The following DCHS1 variants were observed in gnomAD, a reference collection of about 807,000 sequenced individuals.
DCHS1 encodes the protein protocadherin-16.
DCHS1 carries 78 observed loss-of-function variants against 213.9 expected under a neutral mutation model. That is an observed-to-expected ratio of 0.36 (90% CI 0.30 to 0.44). The LOEUF (loss-of-function observed/expected upper bound fraction) is 0.44. DCHS1 is among the 20% of genes least tolerant of loss of function. The pLI is 1.00. For synonymous variants in DCHS1, 1,828 were observed against 1,873.7 expected (o/e 0.98, Z 0.63); for missense variants, 3,946 against 4,395.9 (o/e 0.90, Z 2.89).
intron 2 of DCHS1, among the ~76,000 whole-genome samples, chr11:6,637,535 T>A (rs1856003583): frequency 6.6e-6 from 1 of 151,934 alleles, no homozygotes. Context: ...CACCTTCCCA[T>A]CTCCAGTCTT....
chr11:6,643,829 C>T (rs1856115793), intron 1 of DCHS1, among the ~76,000 whole-genome samples: 1 of 152,206 alleles, frequency 6.6e-6, no homozygotes, highest in African/African-American at 2.4e-5. Context: ...GTCATCACCT[C>T]AAACTGCTTC....
Position 6,630,849 on chromosome 11 carries a change from A to G in DCHS1, c.3945T>C (p.Ala1315=). ...LQLLVQVLPS[A]RLAEPPPDLA... ...GATCTGGGGGCGGCTCGGCCAAGCG[A>G]GCTGAGGGAAGCACCTGTTGTGGAC... Residue 1315 remains alanine (A), a synonymous_variant, in exon 10 of 21, where the codon GCT becomes GCC. Coordinates refer to ENST00000299441, the MANE Select transcript of DCHS1 (RefSeq NM_003737.4). 1 of 1,524,024 alleles carries G rather than the reference A, an allele frequency of 6.6e-7. No individual in the cohort carries two copies. The highest frequency in any genetic ancestry group is 8.8e-7 in the Non-Finnish European group (1 of 1,131,754). 94.4% of individuals were successfully genotyped at this position (1,524,024 alleles called of 1,614,324 possible). A position where few individuals can be genotyped will look rare whatever the true frequency, so the allele number is the denominator to read the frequency against.
Position 6,641,694 on chromosome 11 carries a change from G to A in DCHS1, c.-81C>T. ...CAGCTTGACCTCAGACTTTGGGTCA[G>A]GTCCCACTGGGGCCCTGGCTCCAGC... is the stretch of plus-strand genomic sequence containing the variant. On this transcript the variant is annotated 5_prime_UTR_variant, in exon 2 of 21. Coordinates refer to ENST00000299441, the MANE Select transcript of DCHS1 (RefSeq NM_003737.4). This position sits in a 1 kb window ranked among gnomAD's most constrained non-coding sequence, Gnocchi z 7.1. 6.9e-7 allele frequency: 1 copy of A among 1,457,268 alleles called. No individual in the cohort carries two copies. The highest frequency in any genetic ancestry group is 9.1e-7 in the Non-Finnish European group (1 of 1,103,910). The allele number at this position is 1,457,268 out of a possible 1,614,324, so 90.3% of individuals were successfully genotyped here.
rs1856308794 is a variant in DCHS1 at position 6,655,806 on chromosome 11, C to T, written c.-364G>A. ...GCCGCCCCGCCGAGGATGCGAGCTC[C>T]GCTGCCGCGGCCCCGCGCCCCCTCC... On this transcript the variant is annotated 5_prime_UTR_variant, in exon 1 of 21. Coordinates refer to ENST00000299441, the MANE Select transcript of DCHS1 (RefSeq NM_003737.4). 1 of 952,368 alleles carries T rather than the reference C, an allele frequency of 1.1e-6. No homozygotes were observed. The highest frequency in any genetic ancestry group is 1.2e-6 in the Non-Finnish European group (1 of 806,388). 59.0% of individuals were successfully genotyped at this position (952,368 alleles called of 1,614,324 possible).
rs749818300 is a variant in DCHS1 at position 6,631,176 on chromosome 11, G to C, written c.3807C>G (p.His1269Gln). The part of the protein sequence containing the change: ...PGSELFSLHP[H>Q]SGELLTAAPL... ...GAGCTGCAGTGAGCAGCTCCCCTGAGTGAGGGTGCAGAGAGAAAAGCTCTG... is the reference window on the plus strand; with the variant it reads ...GAGCTGCAGTGAGCAGCTCCCCTGACTGAGGGTGCAGAGAGAAAAGCTCTG... Residue 1269 changes from histidine (H) to glutamine (Q), a missense_variant, in exon 9 of 21, where the codon CAC becomes CAG. By Grantham distance (24) the His-to-Gln change is conservative (BLOSUM62 0). Transcript: ENST00000299441. The C allele has an allele frequency of 6.2e-7, 1 of 1,611,288 alleles. No homozygotes were observed. Among genetic ancestry groups the C allele is most frequent in the Admixed American group, 1.7e-5 (1 of 59,710 alleles).
Position 6,622,098 on chromosome 11 carries a change from C to G in DCHS1, c.9578G>C (p.Cys3193Ser). The G allele has an allele frequency of 6.2e-7, 1 of 1,613,196 alleles. No individual in the cohort carries two copies. ...IARLKDEARP[C>S]PPAPRIDPPP... ...TGGGTCGATACGGGGAGCTGGGGGA[C>G]ATGGCCGAGCTTCATCCTTGAGCCG... The change falls in exon 21 of 21, where the codon TGT becomes TCT. Residue 3193 changes from cysteine (C) to serine (S), a missense_variant. By Grantham distance (112) the Cys-to-Ser change is moderately radical. Coordinates refer to ENST00000299441, the MANE Select transcript of DCHS1 (RefSeq NM_003737.4). This position sits in a 1 kb window ranked among gnomAD's most constrained non-coding sequence, Gnocchi z 5.4.
At chr11:6,639,495 C>T (rs1050516304) in intron 2 of DCHS1, among the ~76,000 whole-genome samples, 5 of 152,182 alleles carry the variant, frequency 3.3e-5, no homozygotes, top group Admixed American at 2.6e-4. Flanking sequence ...AAGCCACATA[C>T]GTATGTAGAA....
In DCHS1 at chr11:6,634,106, C is replaced by T. The variant is rs1855954921; in HGVS notation, c.1986+12G>A. 1.3e-6 allele frequency: 2 copies of T among 1,599,556 alleles called. No individual in the cohort carries two copies. Among genetic ancestry groups the T allele is most frequent in the Non-Finnish European group, 1.7e-6 (2 of 1,171,254 alleles). On this transcript the variant is annotated intron_variant, in intron 3 of 20. Coordinates refer to ENST00000299441, the MANE Select transcript of DCHS1 (RefSeq NM_003737.4). Reference sequence around the variant, plus strand: ...CCCAACATCCCAACCTGCCCTTGGTCTACTGACTTACCCCATCCACAGCTG... The same window carrying T: ...CCCAACATCCCAACCTGCCCTTGGTTTACTGACTTACCCCATCCACAGCTG...
In DCHS1 at chr11:6,655,620, C is replaced by A; in HGVS notation, c.-178G>T. The A allele has an allele frequency of 1.0e-6, 1 of 979,828 alleles. No homozygotes were observed. The allele number at this position is 979,828 out of a possible 1,614,324, so 60.7% of individuals were successfully genotyped here. A position where few individuals can be genotyped will look rare whatever the true frequency, so the allele number is the denominator to read the frequency against. ...TGGGGCGCCGTCCGGCCGCGGTCAG[C>A]CCCCCGGGCAGCGCCCGCTCGCGCG... On this transcript the variant is annotated 5_prime_UTR_variant, in exon 1 of 21. Transcript: ENST00000299441.
rs532679903 is a variant in DCHS1 at position 6,633,054 on chromosome 11, G to A, written c.2458C>T (p.Arg820Cys). The change falls in exon 6 of 21, where the codon CGC (arginine) becomes TGC (cysteine). Residue 820 changes from arginine (R) to cysteine (C), a missense_variant and splice_region_variant. By Grantham distance (180) the Arg-to-Cys change is radical (BLOSUM62 -3). Around this residue, in one of 3 missense-constraint regions of DCHS1, gnomAD observed 3,384 missense variants for 3,780.1 expected, o/e 0.90. Transcript: ENST00000299441. ...GIVQAHNPPG[R>C]LAPVTLSLSG... is the part of the protein sequence containing the mutation. ...AGGGAAAGGGTCACAGGTGCCAAGC[G>A]ACCTAGGGAGGATGAAAAAGGGATC... 1.2e-5 allele frequency: 19 copies of A among 1,593,166 alleles called. No homozygotes were observed. The highest frequency in any genetic ancestry group is 2.2e-5 in the South Asian group (2 of 88,938).
At chr11:6,644,776 AACTGAGACAACACAC>A (rs1437563097) in intron 1 of DCHS1, among the ~76,000 whole-genome samples, 1 of 152,224 alleles carries the variant, frequency 6.6e-6, no homozygotes, top group South Asian at 2.1e-4. Flanking sequence ...TGGTCATGCC[AACTGAGACAACACAC>A]ACAAACACAT....
In DCHS1 at chr11:6,640,103, G is replaced by A; in HGVS notation, c.1511C>T (p.Thr504Ile). The A allele has an allele frequency of 6.2e-7, 1 of 1,613,752 alleles. No individual in the cohort carries two copies. The highest frequency in any genetic ancestry group is 8.5e-7 in the Non-Finnish European group (1 of 1,179,774). ...TAGGCTATAAGTGACCTGACCATTG[G>A]TGCCTTGGTCAGGATCCCGAGCAGT... is the stretch of plus-strand genomic sequence containing the variant. Reference protein sequence around the residue: ...RVTARDPDQGTNGQVTYSLAP... With the variant: ...RVTARDPDQGINGQVTYSLAP... Residue 504 changes from threonine (T) to isoleucine (I), a missense_variant, in exon 2 of 21, where the codon ACC becomes ATC. Around this residue, in one of 3 missense-constraint regions of DCHS1, gnomAD observed 3,384 missense variants for 3,780.1 expected, o/e 0.90. Transcript: ENST00000299441. This position sits in a 1 kb window ranked among gnomAD's most constrained non-coding sequence, Gnocchi z 6.5.
chr11:6,648,348 G>T (rs960488360), intron 1 of DCHS1, among the ~76,000 whole-genome samples: 1 of 152,158 alleles, frequency 6.6e-6, no homozygotes, highest in Non-Finnish European at 1.5e-5. Flanking sequence ...GAAGTTAAGG[G>T]AGAAAACATT....
Position 6,626,085 on chromosome 11 carries a change from TAG to T in DCHS1, c.6577-13_6577-12del. 6.2e-7 allele frequency: 1 copy of T among 1,606,180 alleles called. No homozygotes were observed. The highest frequency in any genetic ancestry group is 8.5e-7 in the Non-Finnish European group (1 of 1,176,358). On this transcript the variant is annotated splice_polypyrimidine_tract_variant and intron_variant, in intron 16 of 20. Coordinates refer to ENST00000299441, the MANE Select transcript of DCHS1 (RefSeq NM_003737.4). This position sits in a 1 kb window ranked among gnomAD's most constrained non-coding sequence, Gnocchi z 5.2. ...GTCATCCGCCTCCACCTGGTGAGGG[TAG>T]GAGGCTGCTGGGACTGGTCTGGCCA...
chr11:6,628,561 A>G lies in DCHS1; in HGVS notation c.5371+60T>C. Reference sequence around the variant, plus strand: ...CATGCACTGAGGCTGACAGCAGCCAAGAAGGAGCAAGAACCAGGCAAGTGG... The same window carrying G: ...CATGCACTGAGGCTGACAGCAGCCAGGAAGGAGCAAGAACCAGGCAAGTGG... On this transcript the variant is annotated intron_variant, in intron 13 of 20. Transcript: ENST00000299441. This position sits in a 1 kb window ranked among gnomAD's most constrained non-coding sequence, Gnocchi z 4.3. The G allele has an allele frequency of 1.3e-6, 2 of 1,595,376 alleles. No individual in the cohort carries two copies. Among genetic ancestry groups the G allele is most frequent in the Non-Finnish European group, 1.7e-6 (2 of 1,164,688 alleles).
intron 1 of DCHS1, among the ~76,000 whole-genome samples, chr11:6,654,193 C>T (rs1279913110): frequency 1.3e-5 from 2 of 152,154 alleles, no homozygotes; most frequent in Non-Finnish European, 2.9e-5. Context: ...TGGGACAGGT[C>T]TTCCTGTGGT....
chr11:6,640,648 A>G lies in DCHS1; in HGVS notation c.966T>C (p.Phe322=), dbSNP rs1474237517. The G allele has an allele frequency of 6.2e-7, 1 of 1,612,448 alleles. No individual in the cohort carries two copies. Among genetic ancestry groups the G allele is most frequent in the Non-Finnish European group, 8.5e-7 (1 of 1,179,886 alleles). ...CCAGTTCATGGACCCGCCGCTGCTCAAAGTCCAGTGGCCGCTCTAACTGCA... is the reference window on the plus strand; with the variant it reads ...CCAGTTCATGGACCCGCCGCTGCTCGAAGTCCAGTGGCCGCTCTAACTGCA... ...GLLQLERPLD[F]EQRRVHELVV... The change falls in exon 2 of 21, where the codon TTT becomes TTC. Residue 322 remains phenylalanine, a synonymous_variant. Transcript: ENST00000299441. The surrounding 1 kb of genome is among the most constrained non-coding windows in gnomAD (Gnocchi z 6.5).
At chr11:6,634,073 T>G in intron 3 of DCHS1, 45 bp downstream of exon 3, 3 of 1,600,836 alleles carry the variant, frequency 1.9e-6, no homozygotes, top group Non-Finnish European at 2.6e-6. Flanking sequence ...CCCTGGTGAG[T>G]GCCCTACCCC....
In DCHS1 at chr11:6,622,091, TG is replaced by T; in HGVS notation, c.9584del (p.Pro3195GlnfsTer200). The T allele has an allele frequency of 6.2e-7, 1 of 1,612,694 alleles. No individual in the cohort carries two copies. ...RLKDEARPCPPAPRIDPPPLI... is the reference protein window; with the variant it reads ...RLKDEARPCPXAPRIDPPPLI... ...GGGGTGGTGGGTCGATACGGGGAGC[TG>T]GGGGACATGGCCGAGCTTCATCCTT... On this transcript the variant is annotated frameshift_variant, in exon 21 of 21. Transcript: ENST00000299441. LOFTEE classifies it high-confidence loss of function. The surrounding 1 kb of genome is among the most constrained non-coding windows in gnomAD (Gnocchi z 5.4).
Sources: allele counts gnomAD v4.1 joint callset (sites outside exome capture counted in the v4.1 genomes callset), GRCh38; gene constraint gnomAD v4.1.1; regional missense constraint gnomAD v4.1.1; non-coding constraint Gnocchi (gnomAD v3.1); transcripts MANE v1.5; gene names NCBI Gene and HGNC (gene_info 2026-07-23, HGNC 2026-07-21).